DLG2: variants seen among roughly 807,000 people sequenced by gnomAD.
The protein encoded by DLG2 is discs large MAGUK scaffold protein 2.
In DLG2, 45 loss-of-function variants were observed where a neutral mutation model predicts 132.5. The ratio of observed to expected loss-of-function variants is 0.34; its 90% CI spans 0.27 to 0.44. The LOEUF (loss-of-function observed/expected upper bound fraction) is 0.44. DLG2 is among the 20% of genes least tolerant of loss of function. The pLI, the probability that DLG2 is intolerant of heterozygous loss-of-function variation, is 1.00. For synonymous variants in DLG2, 424 were observed against 419.6 expected (o/e 1.01, Z -0.13); for missense variants, 1,045 against 1,196.9 (o/e 0.87, Z 1.87).
At chr11:84,085,758 A>T (rs1264091276) in intron 10 of DLG2, among the ~76,000 whole-genome samples, 1 of 152,204 alleles carries the variant, frequency 6.6e-6, no homozygotes, top group Non-Finnish European at 1.5e-5. Flanking sequence ...CTTAAATCAG[A>T]ATATTTAGAA....
intron 4 of DLG2, among the ~76,000 whole-genome samples, chr11:85,194,324 A>T (rs2080869458): frequency 6.6e-6 from 1 of 152,056 alleles, no homozygotes; most frequent in African/African-American, 2.4e-5. Flanking sequence ...AAGAGTATGG[A>T]AAAGCTGTAC....
At chr11:83,476,122 C>G (rs761470082) in intron 22 of DLG2, among the ~76,000 whole-genome samples, 2 of 151,998 alleles carry the variant, frequency 1.3e-5, no homozygotes, top group African/African-American at 4.8e-5. Context: ...AGTTGAAGAC[C>G]AGTGGCAGTA....
intron 6 of DLG2, among the ~76,000 whole-genome samples, chr11:84,658,004 A>T (rs142574647): frequency 1.3e-3 from 192 of 152,296 alleles, no homozygotes; most frequent in African/African-American, 4.3e-3. Context: ...GCTTTGGTAT[A>T]GCAATCTGAC....
intron 6 of DLG2, among the ~76,000 whole-genome samples, chr11:84,898,510 C>T (rs2154068872): frequency 6.6e-6 from 1 of 152,088 alleles, no homozygotes; most frequent in East Asian, 1.9e-4. Context: ...TAGCTTCTGT[C>T]CTTTCCCTTC....
intron 18 of DLG2, among the ~76,000 whole-genome samples, chr11:83,785,436 C>T (rs2095013950): frequency 6.6e-6 from 1 of 152,238 alleles, no homozygotes; most frequent in South Asian, 2.1e-4. Flanking sequence ...CTTTTCAAAA[C>T]TATCTGAGAA....
intron 3 of DLG2, among the ~76,000 whole-genome samples, chr11:85,479,087 A>G (rs1261768377): frequency 6.6e-6 from 1 of 152,270 alleles, no homozygotes; most frequent in Non-Finnish European, 1.5e-5. Flanking sequence ...GAAAACAATC[A>G]TAAAAGACTG....
intron 3 of DLG2, among the ~76,000 whole-genome samples, chr11:85,294,019 A>C (rs1441730502): frequency 6.6e-6 from 1 of 152,100 alleles, no homozygotes; most frequent in Admixed American, 6.6e-5. Context: ...AAGTGGGAAG[A>C]TTGGTTGAAG....
chr11:83,738,842 T>C (rs1169242299), intron 18 of DLG2, among the ~76,000 whole-genome samples: 2 of 152,046 alleles, frequency 1.3e-5, no homozygotes, highest in Non-Finnish European at 2.9e-5. Context: ...AAAGTAACTG[T>C]CTTGCTTTAT....
chr11:85,353,643 G>A (rs1218086008), intron 3 of DLG2, among the ~76,000 whole-genome samples: 2 of 152,168 alleles, frequency 1.3e-5, no homozygotes, highest in African/African-American at 4.8e-5. Context: ...ATACACCATG[G>A]AATACTATGC....
intron 16 of DLG2, among the ~76,000 whole-genome samples, chr11:83,865,457 G>GAAAA (rs58307015): frequency 7.7e-6 from 1 of 129,514 alleles, no homozygotes. Flanking sequence ...GGTGAACAGC[G>GAAAA]AAAAAAAAAA....
intron 3 of DLG2, among the ~76,000 whole-genome samples, chr11:85,347,885 C>T (rs764748213): frequency 4.8e-5 from 7 of 145,028 alleles, no homozygotes; most frequent in African/African-American, 7.8e-5. Context: ...CACATTGCAG[C>T]CTCGACCTCC....
intron 16 of DLG2, among the ~76,000 whole-genome samples, chr11:83,848,767 T>C (rs939652545): frequency 6.6e-6 from 1 of 152,210 alleles, no homozygotes; most frequent in Non-Finnish European, 1.5e-5. Flanking sequence ...TCTGGCACTA[T>C]ACCTATCAAT....
intron 3 of DLG2, among the ~76,000 whole-genome samples, chr11:85,442,551 G>C (rs991362674): frequency 6.6e-6 from 1 of 152,036 alleles, no homozygotes; most frequent in Admixed American, 6.6e-5. Flanking sequence ...TAAAAGGATA[G>C]CAAAAGAGAA....
At chr11:84,059,241 T>A (rs897403589) in intron 11 of DLG2, 74 bp downstream of exon 11, 1 of 1,441,528 alleles carries the variant, frequency 6.9e-7, no homozygotes, top group Non-Finnish European at 9.7e-7. Context: ...GAGTTCATCA[T>A]ACGACTATCG....
intron 18 of DLG2, among the ~76,000 whole-genome samples, chr11:83,672,217 G>C (rs181285448): frequency 1.3e-5 from 2 of 148,368 alleles, no homozygotes; most frequent in Admixed American, 1.4e-4. Flanking sequence ...ATGGAATTTC[G>C]CTCTTGTTGC....
chr11:85,528,769 T>C (rs1293955304), intron 3 of DLG2, among the ~76,000 whole-genome samples: 1 of 152,208 alleles, frequency 6.6e-6, no homozygotes, highest in South Asian at 2.1e-4. Context: ...GCTATAGTTG[T>C]CTTGAAATTC....
chr11:85,117,360 T>C (rs546287229), intron 5 of DLG2, among the ~76,000 whole-genome samples: 21 of 152,152 alleles, frequency 1.4e-4, no homozygotes, highest in African/African-American at 4.6e-4. Context: ...TTGCTTTACC[T>C]CTCTTTGCAT....
At chr11:83,803,974 T>A (rs768437681) in intron 17 of DLG2, among the ~76,000 whole-genome samples, 7 of 152,172 alleles carry the variant, frequency 4.6e-5, no homozygotes, top group African/African-American at 4.8e-5. Flanking sequence ...GACATTCTTT[T>A]GTGTTTGGGC....
At chr11:83,484,085 T>TTCTC (rs774172333) in intron 22 of DLG2, 44 bp downstream of exon 22, 1 of 1,537,610 alleles carries the variant, frequency 6.5e-7, no homozygotes, top group Admixed American at 1.7e-5. Flanking sequence ...TGAATTTTTT[T>TTCTC]TCTCTTATGT....
Sources: gnomAD v4.1 joint callset for allele counts (sites outside exome capture counted in the v4.1 genomes callset) on GRCh38, gnomAD v4.1.1 for gene constraint, MANE v1.5 for transcripts, NCBI Gene and HGNC (gene_info 2026-07-23, HGNC 2026-07-21) for gene names.